Variants in BRPF1 observed in about 807,000 individuals in gnomAD.
BRPF1 encodes bromodomain and PHD finger containing 1, also known as peregrin.
A neutral mutation model predicts 115.0 loss-of-function variants in BRPF1; 15 were observed. That is an observed-to-expected ratio of 0.13 (90% CI 0.09 to 0.20). BRPF1 has a LOEUF of 0.20. Among genes scored for constraint, BRPF1 ranks in the 10% least tolerant of loss-of-function variants. BRPF1 has a pLI of 1.00. For synonymous variants in BRPF1, 647 were observed against 619.8 expected (o/e 1.04, Z -0.65); for missense variants, 1,118 against 1,638.3 (o/e 0.68, Z 5.48).
intron 2 of BRPF1, among the ~76,000 whole-genome samples, chr3:9,737,332 C>T (rs1367675167): frequency 6.6e-6 from 1 of 152,208 alleles, no homozygotes; most frequent in African/African-American, 2.4e-5. Flanking sequence ...AAAGGCCATA[C>T]AAAAACTAAT....
Position 9,742,053 on chromosome 3 carries a change from T to A in BRPF1, c.1883T>A (p.Met628Lys), listed in dbSNP as rs1325460035. 6.2e-7 allele frequency: 1 copy of A among 1,614,224 alleles called. No homozygotes were observed. The highest frequency in any genetic ancestry group is 2.2e-5 in the East Asian group (1 of 44,884). ...TIKVQQIAME[M>K]QLTPFLILLR... ...AAGGTTCAGCAGATTGCCATGGAGATGCAGCTGACTCCTTTCCTCATCCTC... is the reference window on the plus strand; with the variant it reads ...AAGGTTCAGCAGATTGCCATGGAGAAGCAGCTGACTCCTTTCCTCATCCTC... The change falls in exon 6 of 14, where the codon ATG becomes AAG. Residue 628 changes from methionine to lysine, a missense_variant. Met to Lys is a moderately conservative substitution (Grantham distance 95, BLOSUM62 -1). Around this residue, in one of 10 missense-constraint regions of BRPF1, gnomAD observed 178 missense variants for 303.7 expected, o/e 0.59. Transcript: ENST00000383829.
chr3:9,745,575 C>G lies in BRPF1; in HGVS notation c.3071C>G (p.Thr1024Arg). The change falls in exon 11 of 14, where the codon ACA (threonine) becomes AGA (arginine). Residue 1024 changes from threonine (T) to arginine (R), a missense_variant and splice_region_variant. This residue lies in a region of BRPF1 where 100 missense variants were observed against 109.9 expected (regional missense o/e 0.91). Transcript: ENST00000383829. This position sits in a 1 kb window ranked among gnomAD's most constrained non-coding sequence, Gnocchi z 5.1. ...AGCTCCCATTGTCTTGTCCACAGCA[C>G]AACGCCCTCAAAACAAGGCCGGGGC... is the stretch of plus-strand genomic sequence containing the variant. ...SSSAASDRTS[T>R]TPSKQGRGKP... The G allele has an allele frequency of 6.2e-7, 1 of 1,614,104 alleles. No homozygotes were observed. Among genetic ancestry groups the G allele is most frequent in the Non-Finnish European group, 8.5e-7 (1 of 1,179,922 alleles).
rs1430637055 is a variant in BRPF1, at chr3:9,739,353, C to T, written c.954C>T (p.Arg318=). 6.2e-7 allele frequency: 1 copy of T among 1,614,200 alleles called. No individual in the cohort carries two copies. Residue 318 remains arginine, a synonymous_variant, in exon 3 of 14, where the codon CGC becomes CGT. Coordinates refer to ENST00000383829, the MANE Select transcript of BRPF1 (RefSeq NM_001003694.2). The stretch of plus-strand genomic sequence containing the variant: ...TCCCTGAGGGCCAGTGGCTGTGCCG[C>T]CGTTGCCTGCAGTCACCCTCTCGTG... ...PYIPEGQWLC[R]RCLQSPSRAV... is the part of the protein sequence containing the mutation.
At chr3:9,742,250 C>T in intron 6 of BRPF1, 79 bp downstream of exon 6, 1 of 1,575,238 alleles carries the variant, frequency 6.3e-7, no homozygotes, top group Admixed American at 1.8e-5. Flanking sequence ...TGGGCCAGGA[C>T]TAGATGGGGA....
chr3:9,739,886 A>G lies in BRPF1; in HGVS notation c.1487A>G (p.Lys496Arg). 6.3e-7 allele frequency: 1 copy of G among 1,582,032 alleles called. No homozygotes were observed. Among genetic ancestry groups the G allele is most frequent in the African/African-American group, 1.3e-5 (1 of 74,686 alleles). Residue 496 changes from lysine to arginine, a missense_variant, in exon 3 of 14, where the codon AAG becomes AGG. This residue lies in a region of BRPF1 where 178 missense variants were observed against 303.7 expected (regional missense o/e 0.59). Coordinates refer to ENST00000383829, the MANE Select transcript of BRPF1 (RefSeq NM_001003694.2). ...AKAKSRIKMK[K>R]ARKILAEKRA... ...GCCAAGTCCCGGATCAAAATGAAGAAGGCACGGAAGATCCTGGCAGAGAAG... is the reference window on the plus strand; with the variant it reads ...GCCAAGTCCCGGATCAAAATGAAGAGGGCACGGAAGATCCTGGCAGAGAAG...
Position 9,739,587 on chromosome 3 carries a change from C to T in BRPF1, c.1188C>T (p.Ala396=). The change falls in exon 3 of 14, where the codon GCC becomes GCT. Residue 396 remains alanine, a synonymous_variant. Coordinates refer to ENST00000383829, the MANE Select transcript of BRPF1 (RefSeq NM_001003694.2). ...TTTGCAAACAACGGGGCTCAGGGGC[C>T]TGCATCCAGTGCCACAAGGCCAACT... ...CYICKQRGSG[A]CIQCHKANCY... 1 of 1,612,284 alleles carries T rather than the reference C, an allele frequency of 6.2e-7. No individual in the cohort carries two copies. Among genetic ancestry groups the T allele is most frequent in the Non-Finnish European group, 8.5e-7 (1 of 1,178,498 alleles).
At position 9,746,426 on chromosome 3, in the gene BRPF1, G is replaced by A. The variant is rs1345537243; in HGVS notation, c.3451G>A (p.Val1151Ile). Residue 1151 changes from valine (V) to isoleucine (I), a missense_variant, in exon 13 of 14, where the codon GTC becomes ATC. By Grantham distance (29) the Val-to-Ile change is conservative. Transcript: ENST00000383829. ...TQEAREHLYL[V>I]LFFDNKRTWQ... Reference sequence around the variant, plus strand: ...GGAAGCCCGAGAGCATCTCTACCTCGTCCTCTTCTTTGACAACAAACGAAC... The same window carrying A: ...GGAAGCCCGAGAGCATCTCTACCTCATCCTCTTCTTTGACAACAAACGAAC... 3.8e-6 allele frequency: 6 copies of A among 1,596,678 alleles called. No individual in the cohort carries two copies. The highest frequency in any genetic ancestry group is 3.4e-6 in the Non-Finnish European group (4 of 1,168,984).
rs141839642 is a variant in BRPF1 at position 9,739,818 on chromosome 3, T to G, written c.1419T>G (p.Asp473Glu). 229 of 1,608,322 alleles carry G rather than the reference T, an allele frequency of 1.4e-4. 1 individual carries two copies. In the African/African-American group the frequency reaches 2.6e-3, roughly 19 times the overall value. ...AGGAGGATGAAGATGAGGAGGAGGA[T>G]GAGGGTAAGGGCTGGAGCTCAGAGA... ...EGEEDEDEEE[D>E]EGKGWSSEKV... Residue 473 changes from aspartate to glutamate, a missense_variant, in exon 3 of 14, where the codon GAT becomes GAG. By Grantham distance (45) the Asp-to-Glu change is conservative (BLOSUM62 2). Around this residue, in one of 10 missense-constraint regions of BRPF1, gnomAD observed 87 missense variants for 93.4 expected, o/e 0.93. Transcript: ENST00000383829.
At chr3:9,744,617 G>C in intron 9 of BRPF1, 109 bp downstream of exon 9, 2 of 834,520 alleles carry the variant, frequency 2.4e-6, no homozygotes, top group Non-Finnish European at 3.6e-6. Flanking sequence ...GAGCTAGAAG[G>C]GTCCTTAGGA....
At chr3:9,742,587 G>A (rs781623422) in intron 6 of BRPF1, 1 of 973,220 alleles carries the variant, frequency 1.0e-6, no homozygotes, top group African/African-American at 1.8e-5. Flanking sequence ...ATAAGTTACT[G>A]TTAAGTAAAA....
intron 2 of BRPF1, among the ~76,000 whole-genome samples, chr3:9,737,385 C>G (rs2076959934): frequency 6.6e-6 from 1 of 152,230 alleles, no homozygotes; most frequent in African/African-American, 2.4e-5. Context: ...CAGGCACTGT[C>G]CTAAGCACTT....
chr3:9,733,399 T>C (rs2076888305), intron 1 of BRPF1: 1 of 152,238 alleles, frequency 6.6e-6, no homozygotes. Flanking sequence ...AAAAACTGAA[T>C]GTCCAGTGCA....
chr3:9,740,638 T>C lies in BRPF1; in HGVS notation c.1560-141T>C, dbSNP rs954304683. ...TGGCACCACTCTTTCTTCCTTGCCTTAAGTCCAGAGTCCCAGGCCTTTTGG... is the reference window on the plus strand; with the variant it reads ...TGGCACCACTCTTTCTTCCTTGCCTCAAGTCCAGAGTCCCAGGCCTTTTGG... On this transcript the variant is annotated intron_variant, in intron 3 of 13. Transcript: ENST00000383829. The C allele has an allele frequency of 1.3e-5, 14 of 1,091,142 alleles. No homozygotes were observed. The Admixed American group carries it at 1.6e-4, about 12-fold the overall frequency. 67.6% of individuals were successfully genotyped at this position (1,091,142 alleles called of 1,614,324 possible).
intron 5 of BRPF1, 121 bp downstream of exon 5, chr3:9,741,560 C>T (rs2077030682): frequency 3.8e-6 from 4 of 1,057,218 alleles, no homozygotes; most frequent in Admixed American, 3.5e-5. Flanking sequence ...TGGCGTGAAC[C>T]TGGGAGGAGG....
chr3:9,741,964 T>C, intron 5 of BRPF1, 61 bp from the exon 6 acceptor site: 3 of 1,599,332 alleles, frequency 1.9e-6, no homozygotes, highest in Non-Finnish European at 2.6e-6. Flanking sequence ...GACCATATCC[T>C]CAGACCTCTT....
chr3:9,742,560 G>C, intron 6 of BRPF1: 1 of 984,942 alleles, frequency 1.0e-6, no homozygotes, highest in Non-Finnish European at 1.2e-6. Context: ...TGAGAGGCCT[G>C]AGGCAGCAGC....
At chr3:9,742,722 A>G (rs543409882) in intron 6 of BRPF1, among the ~76,000 whole-genome samples, 4 of 152,272 alleles carry the variant, frequency 2.6e-5, no homozygotes, top group African/African-American at 9.6e-5. Context: ...AGGAGAGGAA[A>G]AGTAGGCCCA....
Position 9,747,033 on chromosome 3 carries a change from C to G in BRPF1, c.3480-133C>G, listed in dbSNP as rs2077139478. 2 of 974,510 alleles carry G rather than the reference C, an allele frequency of 2.1e-6. No individual in the cohort carries two copies. Among genetic ancestry groups the G allele is most frequent in the East Asian group, 4.8e-5 (2 of 41,698 alleles). 60.4% of individuals were successfully genotyped at this position (974,510 alleles called of 1,614,324 possible). A position where few individuals can be genotyped will look rare whatever the true frequency, so the allele number is the denominator to read the frequency against. On this transcript the variant is annotated intron_variant, in intron 13 of 13. Coordinates refer to ENST00000383829, the MANE Select transcript of BRPF1 (RefSeq NM_001003694.2). This position sits in a 1 kb window ranked among gnomAD's most constrained non-coding sequence, Gnocchi z 5.6. ...CTTTCATCTCTAGACCATGAACAGT[C>G]CTTTGAGGGCAGGGACCATCACAGA... is the stretch of plus-strand genomic sequence containing the variant.
chr3:9,739,998 G>T, intron 3 of BRPF1, 40 bp downstream of exon 3: 1 of 1,498,776 alleles, frequency 6.7e-7, no homozygotes, highest in East Asian at 2.4e-5. Flanking sequence ...GAGGGAGAAA[G>T]GAGCCTCCAG....
Sources: allele counts gnomAD v4.1 joint callset (sites outside exome capture counted in the v4.1 genomes callset), GRCh38; gene constraint gnomAD v4.1.1; regional missense constraint gnomAD v4.1.1; non-coding constraint Gnocchi (gnomAD v3.1); transcripts MANE v1.5; gene names NCBI Gene and HGNC (gene_info 2026-07-23, HGNC 2026-07-21).